TDRD12: variants seen among roughly 807,000 people sequenced by gnomAD.
TDRD12 encodes the protein putative ATP-dependent RNA helicase TDRD12.
A neutral mutation model predicts 133.5 loss-of-function variants in TDRD12; 158 were observed. That is an observed-to-expected ratio of 1.18 (90% confidence interval 1.04 to 1.35). The LOEUF (loss-of-function observed/expected upper bound fraction) is 1.35. TDRD12 is among the 40% of genes most tolerant of loss of function. The pLI, the probability that TDRD12 is intolerant of heterozygous loss-of-function variation, is 0.00. For missense variants in TDRD12, 1,443 were observed against 1,321.3 expected (o/e 1.09, Z -1.43); for synonymous variants, 460 against 477.9 (o/e 0.96, Z 0.49).
chr19:32,749,443 G>A (rs1969755619), intron 5 of TDRD12, among the ~76,000 whole-genome samples: 1 of 152,126 alleles, frequency 6.6e-6, no homozygotes, highest in Non-Finnish European at 1.5e-5. Flanking sequence ...CTGCTGCGGG[G>A]TTTTGAGTCT....
At chr19:32,723,970 G>A (rs560224828) in intron 1 of TDRD12, among the ~76,000 whole-genome samples, 87 of 152,030 alleles carry the variant, frequency 5.7e-4, no homozygotes, top group Non-Finnish European at 1.0e-3. Context: ...GGAGCCTCCT[G>A]CCCCAGCCTC....
intron 27 of TDRD12, among the ~76,000 whole-genome samples, chr19:32,819,407 T>C (rs969672711): frequency 2.6e-5 from 4 of 152,066 alleles, no homozygotes; most frequent in South Asian, 2.1e-4. Flanking sequence ...AGGATTAGAA[T>C]ACAGGGTAGT....
intron 12 of TDRD12, 21 bp downstream of exon 12, chr19:32,790,612 A>C: frequency 6.4e-7 from 1 of 1,551,644 alleles, no homozygotes; most frequent in Non-Finnish European, 8.7e-7. Flanking sequence ...CCCTAAAAAA[A>C]GTAAAATAAA....
chr19:32,812,942 T>A (rs949673268), intron 24 of TDRD12, among the ~76,000 whole-genome samples: 4 of 151,730 alleles, frequency 2.6e-5, no homozygotes, highest in African/African-American at 9.7e-5. Flanking sequence ...GAGCCCAAGA[T>A]GGGAGGATTG....
At chr19:32,821,809 T>C (rs1228428344), downstream of TDRD12, among the ~76,000 whole-genome samples, 1 of 152,220 alleles carries the variant, frequency 6.6e-6, no homozygotes, top group African/African-American at 2.4e-5. Context: ...CTCCAGACTT[T>C]ACATCTAGGC....
intron 11 of TDRD12, among the ~76,000 whole-genome samples, chr19:32,780,944 CTT>C (rs11383637): frequency 6.3e-5 from 8 of 126,728 alleles, no homozygotes; most frequent in Admixed American, 2.5e-4. Context: ...TTTAATCTAT[CTT>C]TTTTTTTTTT....
intron 21 of TDRD12, among the ~76,000 whole-genome samples, chr19:32,805,127 G>A (rs897257755): frequency 1.4e-5 from 2 of 147,946 alleles, no homozygotes; most frequent in East Asian, 3.9e-4. Context: ...CAGAGACCCC[G>A]TCTCTTTAAA....
At chr19:32,824,399 T>C (rs1305001720), downstream of TDRD12, 1 of 152,850 alleles carries the variant, frequency 6.5e-6, no homozygotes, top group Non-Finnish European at 1.5e-5. Context: ...CATGCCACTG[T>C]GCCAGGCAGG....
chr19:32,741,856 T>A (rs1969437429), intron 3 of TDRD12, among the ~76,000 whole-genome samples: 1 of 152,134 alleles, frequency 6.6e-6, no homozygotes, highest in South Asian at 2.1e-4. Flanking sequence ...AAGACCAGCC[T>A]GGGTAGCATA....
At chr19:32,739,554 C>T (rs1396452395) in intron 3 of TDRD12, among the ~76,000 whole-genome samples, 2 of 137,364 alleles carry the variant, frequency 1.5e-5, no homozygotes, top group East Asian at 2.3e-4. Flanking sequence ...TCTCCTGGGG[C>T]TCTCTTTGCA....
chr19:32,732,219 G>T (rs1027904419), intron 2 of TDRD12, among the ~76,000 whole-genome samples: 3 of 152,170 alleles, frequency 2.0e-5, no homozygotes, highest in Non-Finnish European at 4.4e-5. Context: ...TGGCCAGGCT[G>T]GTCTCGAACT....
exon 9 of TDRD12, chr19:32,772,788 G>C: frequency 6.6e-7 from 1 of 1,516,472 alleles, no homozygotes; most frequent in Non-Finnish European, 8.8e-7. Flanking sequence ...TTCATTGAGA[G>C]ATTCACCTAA....
intron 21 of TDRD12, among the ~76,000 whole-genome samples, chr19:32,805,051 G>A (rs960645265): frequency 2.6e-5 from 4 of 151,276 alleles, no homozygotes; most frequent in South Asian, 4.2e-4. Context: ...TAATCCCAGC[G>A]CTTTGGGAGG....
chr19:32,772,966 C>A, intron 9 of TDRD12, 116 bp downstream of exon 9: 1 of 542,338 alleles, frequency 1.8e-6, no homozygotes, highest in Non-Finnish European at 3.0e-6. Context: ...AAATCATTGG[C>A]CATGATAGTT....
At chr19:32,796,371 G>A (rs908862728) in intron 14 of TDRD12, among the ~76,000 whole-genome samples, 9 of 152,118 alleles carry the variant, frequency 5.9e-5, no homozygotes, top group South Asian at 2.1e-4. Flanking sequence ...GGCGGATCAC[G>A]AGATCGAGAT....
intron 11 of TDRD12, among the ~76,000 whole-genome samples, chr19:32,782,784 C>G (rs904554108): frequency 2.6e-5 from 4 of 152,192 alleles, no homozygotes; most frequent in African/African-American, 9.7e-5. Context: ...AGTGTCTGTT[C>G]ATGTCCTTTG....
chr19:32,790,307 G>T (rs1971031578), intron 11 of TDRD12, among the ~76,000 whole-genome samples: 1 of 152,198 alleles, frequency 6.6e-6, no homozygotes, highest in Non-Finnish European at 1.5e-5. Flanking sequence ...CTTGGCTGGG[G>T]CCCCTCAGAT....
chr19:32,810,607 G>T (rs927428173), intron 23 of TDRD12, among the ~76,000 whole-genome samples: 2 of 152,232 alleles, frequency 1.3e-5, no homozygotes, highest in African/African-American at 4.8e-5. Context: ...TACGAATGTG[G>T]TGTCAGGTCA....
At chr19:32,765,751 C>T (rs1217938773) in intron 8 of TDRD12, among the ~76,000 whole-genome samples, 33 of 88,788 alleles carry the variant, frequency 3.7e-4, no homozygotes, top group Non-Finnish European at 4.9e-4. Context: ...GGGTGGGGGT[C>T]GGGGGGAGGG....
Sources: gnomAD v4.1 joint callset for allele counts (sites outside exome capture counted in the v4.1 genomes callset) on GRCh38, gnomAD v4.1.1 for gene constraint, MANE v1.5 for transcripts, NCBI Gene and HGNC (gene_info 2026-07-23, HGNC 2026-07-21) for gene names.